ANKRD30A: variants seen among roughly 807,000 people sequenced by gnomAD.
The protein encoded by ANKRD30A is ankyrin repeat domain 30A.
ANKRD30A carries 170 observed loss-of-function variants against 166.3 expected under a neutral mutation model. The observed-to-expected ratio is 1.02, with a 90% CI of 0.90 to 1.16. The LOEUF (loss-of-function observed/expected upper bound fraction) is 1.16, where lower values mean the gene tolerates loss of function less well. Among genes scored for constraint, ANKRD30A ranks in the 50% most tolerant of loss-of-function variants. The pLI is 0.00. For synonymous variants in ANKRD30A, 564 were observed against 508.9 expected (o/e 1.11, Z -1.46); for missense variants, 1,630 against 1,518.0 (o/e 1.07, Z -1.23).
downstream of ANKRD30A, chr10:37,232,657 TATATA>T (rs1843469662): frequency 4.3e-3 from 9 of 2,114 alleles, no homozygotes; most frequent in Middle Eastern, 0.25. Context: ...ATTGGTTTTA[TATATA>T]TATATATATA....
chr10:37,198,478 A>G (rs965187664), intron 29 of ANKRD30A, among the ~76,000 whole-genome samples: 14 of 152,092 alleles, frequency 9.2e-5, no homozygotes, highest in African/African-American at 2.7e-4. Flanking sequence ...TTAAAAGGTT[A>G]GTTTTATCTG....
chr10:37,233,911 ATATC>A (rs951843974), downstream of ANKRD30A, among the ~76,000 whole-genome samples: 2 of 152,214 alleles, frequency 1.3e-5, no homozygotes, highest in African/African-American at 2.4e-5. Flanking sequence ...AAATGTTAAA[ATATC>A]TAATCTAACA....
intron 19 of ANKRD30A, among the ~76,000 whole-genome samples, chr10:37,167,551 AT>A (rs1839455448): frequency 6.6e-6 from 1 of 151,744 alleles, no homozygotes; most frequent in South Asian, 2.1e-4. Context: ...AACATAGAAA[AT>A]GTTATTAATA....
At chr10:37,141,344 G>A (rs192715065) in intron 6 of ANKRD30A, among the ~76,000 whole-genome samples, 159 of 152,226 alleles carry the variant, frequency 1.0e-3, no homozygotes, top group African/African-American at 3.8e-3. Flanking sequence ...GGCCAAGGCA[G>A]ATGTATTGCT....
intron 12 of ANKRD30A, among the ~76,000 whole-genome samples, chr10:37,152,540 C>CTGAAAAGTTAATGCCTGGGACT (rs1838032456): frequency 2.0e-5 from 3 of 152,090 alleles, no homozygotes; most frequent in African/African-American, 7.2e-5. Context: ...AAGCTGGGAC[C>CTGAAAAGTTAATGCCTGGGACT]TGAAAAGTTA....
At chr10:37,244,923 T>C in the ANKRD30A span, among the ~76,000 whole-genome samples, 1 of 152,200 alleles carries the variant, frequency 6.6e-6, no homozygotes, top group African/African-American at 2.4e-5. Context: ...ACCATAGCTT[T>C]CTGTTTTATC....
At chr10:37,189,811 AAG>A (rs1840381457) in intron 25 of ANKRD30A, among the ~76,000 whole-genome samples, 1 of 151,206 alleles carries the variant, frequency 6.6e-6, no homozygotes, top group South Asian at 2.1e-4. Flanking sequence ...GAAAATAAGA[AAG>A]AAGAAAGTAG....
intron 13 of ANKRD30A, 74 bp from the exon 14 acceptor site, chr10:37,158,318 T>A (rs1838541177): frequency 2.0e-6 from 3 of 1,537,850 alleles, no homozygotes; most frequent in Non-Finnish European, 2.7e-6. Context: ...ATCTTCATGT[T>A]CACACTGTGT....
At chr10:37,255,242 A>G in the ANKRD30A span, among the ~76,000 whole-genome samples, 3 of 152,186 alleles carry the variant, frequency 2.0e-5, no homozygotes, top group Admixed American at 2.0e-4. Context: ...CATAGAGTGT[A>G]GAATGATAAG....
At chr10:37,212,035 A>G (rs1196575314) in intron 31 of ANKRD30A, among the ~76,000 whole-genome samples, 1 of 151,876 alleles carries the variant, frequency 6.6e-6, no homozygotes, top group Admixed American at 6.6e-5. Context: ...CATGCAGGAG[A>G]AGGAAATAAA....
the ANKRD30A span, among the ~76,000 whole-genome samples, chr10:37,240,477 T>A: frequency 6.6e-6 from 1 of 152,164 alleles, no homozygotes; most frequent in Admixed American, 6.5e-5. Flanking sequence ...ATTGGTTGAC[T>A]TTTGTCTTCA....
chr10:37,167,604 A>G (rs958918018), intron 19 of ANKRD30A, among the ~76,000 whole-genome samples: 2 of 151,852 alleles, frequency 1.3e-5, no homozygotes, highest in African/African-American at 4.9e-5. Flanking sequence ...AAATACATCA[A>G]TATTGAAAGC....
chr10:37,245,442 A>T, the ANKRD30A span, among the ~76,000 whole-genome samples: 1 of 152,246 alleles, frequency 6.6e-6, no homozygotes, highest in Non-Finnish European at 1.5e-5. Flanking sequence ...CTACTGCAAG[A>T]ATAATGTTGA....
intron 17 of ANKRD30A, among the ~76,000 whole-genome samples, chr10:37,163,821 T>G (rs1376790647): frequency 9.6e-6 from 1 of 104,288 alleles, no homozygotes; most frequent in East Asian, 2.4e-4. Context: ...ACTGAAAACA[T>G]GCAAATTTGG....
At chr10:37,198,663 G>A (rs751390857) in intron 29 of ANKRD30A, among the ~76,000 whole-genome samples, 1 of 152,002 alleles carries the variant, frequency 6.6e-6, no homozygotes, top group Non-Finnish European at 1.5e-5. Flanking sequence ...AGTGAAAACG[G>A]TGGCTTACCA....
At chr10:37,136,701 G>A (rs747450129) in intron 6 of ANKRD30A, 30 bp downstream of exon 6, 20 of 1,260,768 alleles carry the variant, frequency 1.6e-5, no homozygotes, top group Non-Finnish European at 2.2e-5. Context: ...ACTACCCTTG[G>A]TGGTGCTATC....
At chr10:37,183,311 T>C (rs1221029452) in intron 24 of ANKRD30A, among the ~76,000 whole-genome samples, 1 of 145,316 alleles carries the variant, frequency 6.9e-6, no homozygotes, top group East Asian at 2.1e-4. Flanking sequence ...TATCAGTAAA[T>C]AGGAGAAATA....
rs1299315811 is a variant in ANKRD30A at position 37,133,959 on chromosome 10, G to C, written c.661G>C (p.Val221Leu). Residue 221 changes from valine to leucine, a missense_variant, in exon 5 of 36, where the codon GTT (valine) becomes CTT (leucine). Coordinates refer to ENST00000361713, the MANE Select transcript of ANKRD30A (RefSeq NM_052997.3). ...LAVCHGSSEI[V>L]GMLLQQNVDV... is the part of the protein sequence containing the mutation. Reference sequence around the variant, plus strand: ...TGTATGTCATGGATCATCAGAGATAGTTGGCATGCTTCTTCAGCAAAATGT... The same window carrying C: ...TGTATGTCATGGATCATCAGAGATACTTGGCATGCTTCTTCAGCAAAATGT... 3.1e-6 allele frequency: 5 copies of C among 1,614,000 alleles called. No individual in the cohort carries two copies. Among genetic ancestry groups the C allele is most frequent in the African/African-American group, 2.7e-5 (2 of 74,940 alleles).
chr10:37,201,969 G>A (rs114506566), intron 31 of ANKRD30A, among the ~76,000 whole-genome samples: 3 of 151,982 alleles, frequency 2.0e-5, no homozygotes, highest in African/African-American at 7.3e-5. Flanking sequence ...GGGAAACCTA[G>A]TTAACAATTC....
Sources: allele counts gnomAD v4.1 joint callset (sites outside exome capture counted in the v4.1 genomes callset), GRCh38; gene constraint gnomAD v4.1.1; transcripts MANE v1.5; gene names NCBI Gene and HGNC (gene_info 2026-07-23, HGNC 2026-07-21).